The following ACVR1 variants were observed in gnomAD, a reference collection of about 807,000 sequenced individuals.
ACVR1 encodes activin receptor type-1.
Under a neutral mutation model 57.1 loss-of-function variants are expected in ACVR1, and 38 were observed. The ratio of observed to expected loss-of-function variants is 0.67; its 90% CI spans 0.51 to 0.87. The LOEUF is 0.87. ACVR1 is among the 40% of genes least tolerant of loss of function. ACVR1 has a pLI of 0.00. For missense variants in ACVR1, 463 were observed against 638.2 expected, an observed-to-expected ratio of 0.73 and a Z score of 2.96; for synonymous variants, 212 against 228.1, an observed-to-expected ratio of 0.93 and a Z score of 0.63.
chr2:157,770,837 A>G (rs1370731092), intron 6 of ACVR1, among the ~76,000 whole-genome samples: 2 of 152,216 alleles, frequency 1.3e-5, no homozygotes, highest in East Asian at 3.8e-4. Flanking sequence ...TAAAATGCAT[A>G]TGACTTTTAA....
At chr2:157,842,167 C>A (rs1261064474) in intron 1 of ACVR1, among the ~76,000 whole-genome samples, 2 of 152,042 alleles carry the variant, frequency 1.3e-5, no homozygotes, top group Non-Finnish European at 2.9e-5. Flanking sequence ...CCCAACAGTC[C>A]AATACTGAAG....
chr2:157,846,623 C>T (rs138437880), intron 1 of ACVR1, among the ~76,000 whole-genome samples: 5 of 152,252 alleles, frequency 3.3e-5, no homozygotes, highest in Admixed American at 6.5e-5. Flanking sequence ...TTACTCACAC[C>T]ACCACCTTGT....
chr2:157,864,212 T>A (rs762008051), intron 1 of ACVR1, among the ~76,000 whole-genome samples: 2 of 151,282 alleles, frequency 1.3e-5, no homozygotes, highest in Admixed American at 6.6e-5. Context: ...ATAAAGAAAT[T>A]TATATTATTT....
intron 3 of ACVR1, among the ~76,000 whole-genome samples, chr2:157,798,713 A>G (rs994538394): frequency 1.3e-5 from 2 of 151,888 alleles, no homozygotes; most frequent in African/African-American, 4.8e-5. Context: ...TTTTTAGTAG[A>G]GATGGGGTTT....
In ACVR1 at chr2:157,784,036, GT is replaced by G. The variant is rs577381821; in HGVS notation, c.68-3437del. 2.1e-4 allele frequency among the ~76,000 whole-genome samples: 32 copies of G among 152,300 alleles called. 1 individual carries two copies. The South Asian group carries it at 5.2e-3, about 25-fold the overall frequency. On this transcript the variant is annotated intron_variant, in intron 3 of 10. Transcript: ENST00000434821. ...TAGAATTATGAAGTCAACAAAGAAG[GT>G]TTAAAGCAAGGTAGTAATAGCATTC...
At chr2:157,830,613 A>G (rs1372898078) in intron 1 of ACVR1, among the ~76,000 whole-genome samples, 1 of 152,122 alleles carries the variant, frequency 6.6e-6, no homozygotes, top group Non-Finnish European at 1.5e-5. Context: ...TCTAAATTTT[A>G]TATACACACA....
In ACVR1 at chr2:157,826,965, GA is replaced by G. The variant is rs563032886; in HGVS notation, c.-182-8407del. On this transcript the variant is annotated intron_variant, in intron 1 of 10. Coordinates refer to ENST00000434821, the MANE Select transcript of ACVR1 (RefSeq NM_001111067.4). ...AGAAACAGAGAGAAAGAGAAAGAAAGAAAAAAAAACAAAAAGCATTAATAAT... is the reference window on the plus strand; with the variant it reads ...AGAAACAGAGAGAAAGAGAAAGAAAGAAAAAAAACAAAAAGCATTAATAAT... Among the ~76,000 whole-genome samples, 259 of 140,572 alleles carry G rather than the reference GA, an allele frequency of 1.8e-3. 3 individuals are homozygous for G. Among genetic ancestry groups the G allele is most frequent in the East Asian group, 8.2e-3 (36 of 4,376 alleles). 92.2% of individuals were successfully genotyped at this position (140,572 alleles called of 152,430 possible). A position where few individuals can be genotyped will look rare whatever the true frequency, so the allele number is the denominator to read the frequency against.
At chr2:157,873,419 C>A (rs1403429877) in intron 1 of ACVR1, among the ~76,000 whole-genome samples, 1 of 152,198 alleles carries the variant, frequency 6.6e-6, no homozygotes, top group Non-Finnish European at 1.5e-5. Flanking sequence ...GTCATTAAAG[C>A]CACCCAAACA....
intron 1 of ACVR1, among the ~76,000 whole-genome samples, chr2:157,853,401 G>C (rs1433511994): frequency 6.6e-6 from 1 of 152,102 alleles, no homozygotes; most frequent in African/African-American, 2.4e-5. Context: ...CTTACAAGCT[G>C]ACTAATCCCA....
chr2:157,763,260 G>T (rs532665033), intron 8 of ACVR1, among the ~76,000 whole-genome samples: 10 of 152,182 alleles, frequency 6.6e-5, no homozygotes, highest in Non-Finnish European at 1.5e-4. Context: ...AGTATTGAGG[G>T]GTAAAGTGTT....
chr2:157,762,586 G>A (rs1163187581), intron 8 of ACVR1, among the ~76,000 whole-genome samples: 2 of 152,184 alleles, frequency 1.3e-5, no homozygotes, highest in African/African-American at 4.8e-5. Flanking sequence ...AAGCTTCAAA[G>A]AACTTGTGGA....
chr2:157,744,946 G>A (rs1335794523), intron 9 of ACVR1, among the ~76,000 whole-genome samples: 2 of 152,216 alleles, frequency 1.3e-5, no homozygotes, highest in African/African-American at 4.8e-5. Flanking sequence ...GAGTTGGAAA[G>A]ACAGCCTTGT....
At chr2:157,758,882 C>T (rs548288614) in intron 9 of ACVR1, among the ~76,000 whole-genome samples, 1 of 152,104 alleles carries the variant, frequency 6.6e-6, no homozygotes, top group Admixed American at 6.5e-5. Flanking sequence ...CAAAAACACA[C>T]TCCTGAACAA....
Position 157,737,419 on chromosome 2 carries a change from T to A in ACVR1, c.*112A>T, listed in dbSNP as rs1376762075. On this transcript the variant is annotated 3_prime_UTR_variant, in exon 11 of 11. Transcript: ENST00000434821. ...GACGTCTGCCTTGTCAAAGCAGCCA[T>A]TTGGGGAGGGAGACAGATGGATTCC... The A allele has an allele frequency of 5.7e-6, 8 of 1,391,812 alleles. No individual in the cohort carries two copies. The Admixed American group carries it at 1.5e-4, about 27-fold the overall frequency. 86.2% of individuals were successfully genotyped at this position (1,391,812 alleles called of 1,614,324 possible).
Position 157,780,582 on chromosome 2 carries a change from T to G in ACVR1, c.86A>C (p.Asn29Thr). The change falls in exon 4 of 11, where the codon AAC (asparagine) becomes ACC (threonine). Residue 29 changes from asparagine to threonine, a missense_variant. Physicochemically the swap from Asn to Thr is moderately conservative, Grantham distance 65 (BLOSUM62 0). This residue lies in a region of ACVR1 where 203 missense variants were observed against 235.5 expected (regional missense o/e 0.86). Coordinates refer to ENST00000434821, the MANE Select transcript of ACVR1 (RefSeq NM_001111067.4). ...PSMEDEKPKV[N>T]PKLYMCVCEG... ...ACACACACACATGTAGAGTTTGGGGTTGACCTTGGGCTTCTCATCTGCAAA... is the reference window on the plus strand; with the variant it reads ...ACACACACACATGTAGAGTTTGGGGGTGACCTTGGGCTTCTCATCTGCAAA... 6.2e-7 allele frequency: 1 copy of G among 1,613,436 alleles called. No individual in the cohort carries two copies. The highest frequency in any genetic ancestry group is 8.5e-7 in the Non-Finnish European group (1 of 1,179,892).
chr2:157,855,803 C>G (rs921218233), intron 1 of ACVR1, among the ~76,000 whole-genome samples: 1 of 152,072 alleles, frequency 6.6e-6, no homozygotes, highest in African/African-American at 2.4e-5. Context: ...AGGGTGGCTG[C>G]ATCGAGTGGT....
At chr2:157,831,863 T>C (rs961552306) in intron 1 of ACVR1, among the ~76,000 whole-genome samples, 33 of 152,222 alleles carry the variant, frequency 2.2e-4, no homozygotes, top group African/African-American at 7.7e-4. Context: ...GTGGTGTCAG[T>C]TGAACAGTTC....
intron 1 of ACVR1, among the ~76,000 whole-genome samples, chr2:157,852,795 T>C (rs1446131404): frequency 1.3e-5 from 2 of 152,172 alleles, no homozygotes; most frequent in Non-Finnish European, 2.9e-5. Context: ...ATAAATGTCA[T>C]AGTATCAAAA....
chr2:157,775,965 C>A (rs1300974711), intron 5 of ACVR1, among the ~76,000 whole-genome samples: 6 of 152,288 alleles, frequency 3.9e-5, no homozygotes, highest in African/African-American at 1.2e-4. Context: ...CTCAAGTGAT[C>A]TTCCCCCTTG....
Sources: gnomAD v4.1 joint callset for allele counts (sites outside exome capture counted in the v4.1 genomes callset) on GRCh38, gnomAD v4.1.1 for gene constraint, gnomAD v4.1.1 regional missense constraint, MANE v1.5 for transcripts, NCBI Gene and HGNC (gene_info 2026-07-23, HGNC 2026-07-21) for gene names.